Variants in GLIS1 observed in about 807,000 individuals in gnomAD.
GLIS1 encodes the protein zinc finger protein GLIS1.
Under a neutral mutation model 63.8 loss-of-function variants are expected in GLIS1, and 24 were observed. The observed-to-expected ratio is 0.38, with a 90% CI of 0.27 to 0.53. The LOEUF (loss-of-function observed/expected upper bound fraction) is 0.53. GLIS1 is among the 20% of genes least tolerant of loss of function. The probability of loss-of-function intolerance (pLI) is 0.85; values close to 1 mark genes in which losing one functional copy is unlikely to be tolerated. For missense variants in GLIS1, 1,036 were observed against 1,074.1 expected, an observed-to-expected ratio of 0.96 and a Z score of 0.50; for synonymous variants, 450 against 482.5, an observed-to-expected ratio of 0.93 and a Z score of 0.88.
intron 2 of GLIS1, among the ~76,000 whole-genome samples, chr1:53,604,932 G>A (rs111810146): frequency 0.41 from 14,500 of 35,614 alleles, 1,738 homozygotes; most frequent in East Asian, 0.61. Context: ...GTGTGTGTGT[G>A]TATATATATA....
chr1:53,640,695 G>C (rs1645777704), intron 2 of GLIS1, among the ~76,000 whole-genome samples: 2 of 152,196 alleles, frequency 1.3e-5, no homozygotes, highest in South Asian at 4.1e-4. Context: ...CATACAGAAG[G>C]GGAAAGTAAG....
At chr1:53,643,696 C>T (rs886480694) in intron 2 of GLIS1, among the ~76,000 whole-genome samples, 3 of 152,148 alleles carry the variant, frequency 2.0e-5, no homozygotes, top group Admixed American at 6.5e-5. Flanking sequence ...GAGCGAACGG[C>T]GGGAGGGTGA....
chr1:53,511,629 G>A lies in GLIS1; in HGVS notation c.1884-1602C>T, dbSNP rs980037565. Among the ~76,000 whole-genome samples, 3 of 152,172 alleles carry A rather than the reference G, an allele frequency of 2.0e-5. No individual in the cohort carries two copies. The highest frequency in any genetic ancestry group is 4.4e-5 in the Non-Finnish European group (3 of 68,038). On this transcript the variant is annotated intron_variant, in intron 8 of 10. Coordinates refer to ENST00000628545, the MANE Select transcript of GLIS1 (RefSeq NM_001367484.1). The surrounding 1 kb of genome is among the most constrained non-coding windows in gnomAD (Gnocchi z 4.2). ...GAGACGAATCCTCATCACACCTCCA[G>A]GAATAAATTATCATTATCATCATCA...
chr1:53,636,933 C>CAGGA lies in GLIS1; in HGVS notation c.260-36659_260-36656dup, dbSNP rs1333920963. Among the ~76,000 whole-genome samples, 6 of 152,234 alleles carry CAGGA rather than the reference C, an allele frequency of 3.9e-5. 1 individual carries two copies. The highest frequency in any genetic ancestry group is 9.6e-5 in the African/African-American group (4 of 41,464). On this transcript the variant is annotated intron_variant, in intron 2 of 10. Coordinates refer to ENST00000628545, the MANE Select transcript of GLIS1 (RefSeq NM_001367484.1). The stretch of plus-strand genomic sequence containing the variant: ...TACCTCAGCTCCTTCTGTTCGTGGG[C>CAGGA]AGGACGAGGTCTGACTCACCTCTGG...
rs1195840071 is a variant in GLIS1, at chr1:53,597,698, G to A, written c.437+2403C>T. ...AAGGCACGGAATTCAGATCAGGTGCGGCATAGGGGCTGGGGGTCTGTTTTT... is the reference window on the plus strand; with the variant it reads ...AAGGCACGGAATTCAGATCAGGTGCAGCATAGGGGCTGGGGGTCTGTTTTT... On this transcript the variant is annotated intron_variant, in intron 3 of 10. Transcript: ENST00000628545. 9.2e-5 allele frequency among the ~76,000 whole-genome samples: 14 copies of A among 152,138 alleles called. No individual in the cohort carries two copies. The East Asian group carries it at 2.3e-3, about 25-fold the overall frequency.
At chr1:53,667,114 T>C (rs1302558214) in intron 2 of GLIS1, among the ~76,000 whole-genome samples, 1 of 152,228 alleles carries the variant, frequency 6.6e-6, no homozygotes, top group Non-Finnish European at 1.5e-5. Flanking sequence ...GTAATGAGAA[T>C]AAAAGAGATT....
intron 2 of GLIS1, among the ~76,000 whole-genome samples, chr1:53,713,499 G>A (rs950887534): frequency 5.9e-5 from 9 of 151,422 alleles, no homozygotes; most frequent in Non-Finnish European, 1.0e-4. Flanking sequence ...AAAACGGTGA[G>A]CCCCTGTCTC....
intron 2 of GLIS1, among the ~76,000 whole-genome samples, chr1:53,677,754 T>G (rs1416618392): frequency 6.6e-6 from 1 of 152,116 alleles, no homozygotes; most frequent in Non-Finnish European, 1.5e-5. Flanking sequence ...CTGCCGTGCC[T>G]CCTCACCTCT....
intron 6 of GLIS1, among the ~76,000 whole-genome samples, chr1:53,523,800 G>T (rs1487433431): frequency 6.6e-6 from 1 of 152,064 alleles, no homozygotes; most frequent in Non-Finnish European, 1.5e-5. Flanking sequence ...GGCCCTCAGG[G>T]TTACCTCTCA....
At position 53,667,551 on chromosome 1, in the gene GLIS1, G is replaced by A. The variant is rs186570820; in HGVS notation, c.260-67273C>T. Among the ~76,000 whole-genome samples the A allele has an allele frequency of 2.1e-3, 321 of 152,300 alleles. 4 individuals are homozygous for A. The highest frequency in any genetic ancestry group is 3.8e-3 in the Admixed American group (58 of 15,300). On this transcript the variant is annotated intron_variant, in intron 2 of 10. Transcript: ENST00000628545. ...TCCATTCCCAACCTTGACACTGAGCGAGCTTCAAAACACCTTCTCATCTCT... is the reference window on the plus strand; with the variant it reads ...TCCATTCCCAACCTTGACACTGAGCAAGCTTCAAAACACCTTCTCATCTCT...
chr1:53,649,894 G>T (rs923477813), intron 2 of GLIS1, among the ~76,000 whole-genome samples: 2 of 152,184 alleles, frequency 1.3e-5, no homozygotes, highest in African/African-American at 4.8e-5. Flanking sequence ...TAGGTCATTA[G>T]CAGTTAAGTT....
intron 2 of GLIS1, among the ~76,000 whole-genome samples, chr1:53,635,509 G>A (rs1040749806): frequency 3.6e-4 from 55 of 151,588 alleles, no homozygotes; most frequent in African/African-American, 1.2e-3. Context: ...TGTTAGAAGT[G>A]TTGAAACTTA....
At chr1:53,534,531 G>T (rs547370873) in intron 4 of GLIS1, among the ~76,000 whole-genome samples, 1 of 152,138 alleles carries the variant, frequency 6.6e-6, no homozygotes. Flanking sequence ...TTCCCCCTGT[G>T]CCAGGGGCAC....
intron 2 of GLIS1, among the ~76,000 whole-genome samples, chr1:53,679,102 G>A (rs755639691): frequency 1.3e-5 from 2 of 152,076 alleles, no homozygotes; most frequent in Admixed American, 6.5e-5. Context: ...TAGATGAAGC[G>A]GGAAACACGG....
chr1:53,658,296 T>C (rs1208762639), intron 2 of GLIS1, among the ~76,000 whole-genome samples: 2 of 152,200 alleles, frequency 1.3e-5, no homozygotes, highest in African/African-American at 2.4e-5. Context: ...ATCTTTATTA[T>C]ACACTAGTCT....
intron 4 of GLIS1, among the ~76,000 whole-genome samples, chr1:53,586,668 G>A (rs1645138749): frequency 6.6e-6 from 1 of 152,196 alleles, no homozygotes; most frequent in African/African-American, 2.4e-5. Context: ...CACAATCACA[G>A]GCTGAGGGGT....
intron 7 of GLIS1, among the ~76,000 whole-genome samples, chr1:53,518,523 A>C (rs1000108928): frequency 1.3e-5 from 2 of 152,228 alleles, no homozygotes; most frequent in African/African-American, 4.8e-5. Flanking sequence ...ATGATCAGTC[A>C]CATAGGGTTT....
intron 2 of GLIS1, among the ~76,000 whole-genome samples, chr1:53,654,259 C>T (rs978716052): frequency 6.6e-6 from 1 of 152,208 alleles, no homozygotes; most frequent in Non-Finnish European, 1.5e-5. Flanking sequence ...TCAACAAGAT[C>T]ATGTGGAACT....
At chr1:53,534,828 A>T (rs1320956813) in intron 4 of GLIS1, among the ~76,000 whole-genome samples, 1 of 151,914 alleles carries the variant, frequency 6.6e-6, no homozygotes, top group Non-Finnish European at 1.5e-5. Context: ...CTGAGACCCA[A>T]GGGCGTCAAA....
Sources: gnomAD v4.1 joint callset for allele counts (sites outside exome capture counted in the v4.1 genomes callset) on GRCh38, gnomAD v4.1.1 for gene constraint, Gnocchi (gnomAD v3.1) non-coding constraint, MANE v1.5 for transcripts, NCBI Gene and HGNC (gene_info 2026-07-23, HGNC 2026-07-21) for gene names.